ENTREP2: variants seen among roughly 807,000 people sequenced by gnomAD.
The protein encoded by ENTREP2 is endosomal transmembrane epsin interactor 2, also known as protein ENTREP2.
At chr15:29,656,726 ACT>A in the ENTREP2 span, among the ~76,000 whole-genome samples, 35 of 152,164 alleles carry the variant, frequency 2.3e-4, no homozygotes, top group East Asian at 3.5e-3. Flanking sequence ...GGTGCAACAG[ACT>A]CTCTCATATC....
the ENTREP2 span, among the ~76,000 whole-genome samples, chr15:29,439,334 A>ACACACACACAC: frequency 1.0e-5 from 1 of 99,778 alleles, no homozygotes; most frequent in African/African-American, 4.0e-5. Context: ...CACACACACA[A>ACACACACACAC]ACAGTAGAGG....
the ENTREP2 span, among the ~76,000 whole-genome samples, chr15:29,397,183 G>T: frequency 6.6e-6 from 1 of 152,130 alleles, no homozygotes; most frequent in Non-Finnish European, 1.5e-5. Context: ...TTGAGGTCAG[G>T]AGCTCGAGGA....
At chr15:29,556,924 C>T in the ENTREP2 span, among the ~76,000 whole-genome samples, 1 of 152,186 alleles carries the variant, frequency 6.6e-6, no homozygotes, top group Non-Finnish European at 1.5e-5. Context: ...CGCTCCATCC[C>T]ATGGCCAAAG....
At chr15:29,172,617 T>C in the ENTREP2 span, among the ~76,000 whole-genome samples, 609 of 152,056 alleles carry the variant, frequency 4.0e-3, 12 homozygotes, top group Admixed American at 0.027. Context: ...GAGAGGACAA[T>C]AGGAACACAG....
At chr15:29,540,891 G>A in the ENTREP2 span, among the ~76,000 whole-genome samples, 1 of 152,224 alleles carries the variant, frequency 6.6e-6, no homozygotes, top group South Asian at 2.1e-4. Context: ...AAGCAGACAA[G>A]TTAGTCCTAT....
At chr15:29,291,479 C>T in the ENTREP2 span, among the ~76,000 whole-genome samples, 4 of 152,296 alleles carry the variant, frequency 2.6e-5, no homozygotes, top group East Asian at 1.9e-4. Context: ...CCTTTTGCCC[C>T]ATCCACATTC....
At chr15:29,385,056 C>T in the ENTREP2 span, among the ~76,000 whole-genome samples, 2 of 152,210 alleles carry the variant, frequency 1.3e-5, no homozygotes, top group East Asian at 3.9e-4. Context: ...AATTCAAGAG[C>T]CCAGGGGGCC....
At chr15:29,657,483 C>CGGGGCGGGGGGGGGGGGG in the ENTREP2 span, among the ~76,000 whole-genome samples, 1 of 69,382 alleles carries the variant, frequency 1.4e-5, no homozygotes, top group Admixed American at 1.7e-4. Context: ...GCTGGGGGGG[C>CGGGGCGGGGGGGGGGGGG]GGGGGGGGGG....
chr15:29,163,037 G>A, the ENTREP2 span, among the ~76,000 whole-genome samples: 44 of 152,238 alleles, frequency 2.9e-4, no homozygotes, highest in African/African-American at 8.9e-4. Flanking sequence ...GACTTACTGC[G>A]TGGCCAGACC....
At chr15:29,358,592 G>A in the ENTREP2 span, among the ~76,000 whole-genome samples, 1 of 151,976 alleles carries the variant, frequency 6.6e-6, no homozygotes, top group African/African-American at 2.4e-5. Flanking sequence ...TATATTTCAT[G>A]TTTAATAATA....
At chr15:29,563,525 T>C in the ENTREP2 span, among the ~76,000 whole-genome samples, 1 of 152,326 alleles carries the variant, frequency 6.6e-6, no homozygotes, top group East Asian at 1.9e-4. Flanking sequence ...CCATATCTTT[T>C]GTAGTTTTTA....
the ENTREP2 span, among the ~76,000 whole-genome samples, chr15:29,557,031 T>G: frequency 5.3e-5 from 8 of 152,346 alleles, no homozygotes; most frequent in East Asian, 3.9e-4. Flanking sequence ...AATAATCCAC[T>G]AGTTCCTCTG....
the ENTREP2 span, among the ~76,000 whole-genome samples, chr15:29,382,402 A>C: frequency 8.6e-5 from 13 of 151,774 alleles, no homozygotes; most frequent in African/African-American, 2.2e-4. Flanking sequence ...CCCTATACAC[A>C]CTTGGCTCCC....
the ENTREP2 span, among the ~76,000 whole-genome samples, chr15:29,165,345 G>GAAAC: frequency 4.9e-3 from 742 of 152,046 alleles, 4 homozygotes; most frequent in Middle Eastern, 0.034. Context: ...AAATGAAATT[G>GAAAC]AAACAAACAA....
the ENTREP2 span, among the ~76,000 whole-genome samples, chr15:29,199,822 C>T: frequency 1.3e-5 from 2 of 152,208 alleles, no homozygotes; most frequent in African/African-American, 4.8e-5. Flanking sequence ...GATCTTTCTC[C>T]TATGTTTTTT....
chr15:29,271,344 A>G, the ENTREP2 span, among the ~76,000 whole-genome samples: 1 of 152,212 alleles, frequency 6.6e-6, no homozygotes, highest in Non-Finnish European at 1.5e-5. Context: ...AGAATTCTGC[A>G]AAAGGTCCCT....
the ENTREP2 span, among the ~76,000 whole-genome samples, chr15:29,139,152 A>T: frequency 0.014 from 2,112 of 152,098 alleles, 22 homozygotes; most frequent in Non-Finnish European, 0.022. Flanking sequence ...GACGATTCTG[A>T]ATGGGGTCAA....
chr15:29,331,758 G>C, the ENTREP2 span, among the ~76,000 whole-genome samples: 1 of 152,186 alleles, frequency 6.6e-6, no homozygotes, highest in African/African-American at 2.4e-5. Flanking sequence ...TTCTACTTAA[G>C]TAAAGAAAAT....
At chr15:29,451,946 G>A in the ENTREP2 span, among the ~76,000 whole-genome samples, 3 of 152,174 alleles carry the variant, frequency 2.0e-5, no homozygotes, top group Admixed American at 1.3e-4. Flanking sequence ...GCTACAGTTC[G>A]CTTTTCAGTT....
Sources: allele counts gnomAD v4.1 joint callset (sites outside exome capture counted in the v4.1 genomes callset), GRCh38; gene constraint gnomAD v4.1.1; transcripts MANE v1.5; gene names NCBI Gene and HGNC (gene_info 2026-07-23, HGNC 2026-07-21).